The following TNNC2 variants were observed in gnomAD, a reference collection of about 807,000 sequenced individuals.
TNNC2 encodes the protein troponin C2, fast skeletal type.
In TNNC2, 14 loss-of-function variants were observed where a neutral mutation model predicts 20.0. That is an observed-to-expected ratio of 0.70 (90% CI 0.46 to 1.09). TNNC2 has a LOEUF of 1.09. TNNC2 is among the 50% of genes least tolerant of loss of function. The pLI, the probability that TNNC2 is intolerant of heterozygous loss-of-function variation, is 0.00. For synonymous variants in TNNC2, 81 were observed against 77.3 expected (o/e 1.05, Z -0.25); for missense variants, 163 against 223.8 (o/e 0.73, Z 1.73).
chr20:45,831,604 C>CA (rs900484582), upstream of TNNC2, among the ~76,000 whole-genome samples: 11 of 148,592 alleles, frequency 7.4e-5, no homozygotes, highest in African/African-American at 2.5e-4. Flanking sequence ...GACTCTGTCT[C>CA]AAAAAAAATA....
At chr20:45,832,566 A>G (rs1329431871) in intron 2 of TNNC2, among the ~76,000 whole-genome samples, 1 of 152,218 alleles carries the variant, frequency 6.6e-6, no homozygotes, top group African/African-American at 2.4e-5. Context: ...TTCTGCTCAC[A>G]TGGGAGGGCA....
Position 45,824,539 on chromosome 20 carries a change from G to A in TNNC2, c.155C>T (p.Thr52Ile), listed in dbSNP as rs1253674405. Residue 52 changes from threonine (T) to isoleucine (I), a missense_variant, in exon 3 of 6, where the codon ACC (threonine) becomes ATC (isoleucine). Coordinates refer to ENST00000372555, the MANE Select transcript of TNNC2 (RefSeq NM_003279.3). The stretch of plus-strand genomic sequence containing the variant: ...GATGATGGCGTCCAGCTCCTCCTTG[G>A]TGGGTGTCTGGCCCAGCATCCTCAT... The part of the protein sequence containing the change: ...TVMRMLGQTP[T>I]KEELDAIIEE... 1.2e-6 allele frequency: 2 copies of A among 1,613,460 alleles called. No homozygotes were observed. Among genetic ancestry groups the A allele is most frequent in the East Asian group, 2.2e-5 (1 of 44,884 alleles).
chr20:45,827,018 G>C (rs1335298414), intron 1 of TNNC2, among the ~76,000 whole-genome samples: 1 of 152,214 alleles, frequency 6.6e-6, no homozygotes, highest in Non-Finnish European at 1.5e-5. Flanking sequence ...GAAGTTTCCA[G>C]AAGTGAGTAG....
chr20:45,829,135 T>C (rs1006679438), upstream of TNNC2, among the ~76,000 whole-genome samples: 3 of 149,230 alleles, frequency 2.0e-5, no homozygotes, highest in Admixed American at 2.1e-4. Context: ...CACATACCAC[T>C]ACGCCCAGCT....
chr20:45,827,269 C>T lies in TNNC2; in HGVS notation c.-21G>A. On this transcript the variant is annotated 5_prime_UTR_variant, in exon 1 of 6. Coordinates refer to ENST00000372555, the MANE Select transcript of TNNC2 (RefSeq NM_003279.3). ...ACCATGGTTGCTGGTGACCGGGACT[C>T]CTCTGTTGCAGGTCGCCTCCTTTGC... The T allele has an allele frequency of 6.2e-7, 1 of 1,614,136 alleles. No individual in the cohort carries two copies. Among genetic ancestry groups the T allele is most frequent in the Non-Finnish European group, 8.5e-7 (1 of 1,180,002 alleles).
At position 45,823,424 on chromosome 20, in the gene TNNC2, G is replaced by A. The variant is rs1026974587; in HGVS notation, c.452-45C>T. 9 of 1,562,044 alleles carry A rather than the reference G, an allele frequency of 5.8e-6. No homozygotes were observed. Among genetic ancestry groups the A allele is most frequent in the Admixed American group, 5.7e-5 (3 of 52,412 alleles). The stretch of plus-strand genomic sequence containing the variant: ...GAGGGTCAGGGGTCCCACTGGGGAC[G>A]CAGAGGCCAGGCCAGGGCTCCAGCC... On this transcript the variant is annotated intron_variant, in intron 5 of 5. Coordinates refer to ENST00000372555, the MANE Select transcript of TNNC2 (RefSeq NM_003279.3). The surrounding 1 kb of genome is among the most constrained non-coding windows in gnomAD (Gnocchi z 4.6).
intron 4 of TNNC2, 22 bp from the exon 5 acceptor site, chr20:45,824,149 C>T: frequency 1.2e-6 from 2 of 1,610,880 alleles, no homozygotes; most frequent in Non-Finnish European, 1.7e-6. Context: ...AGGGACAGGG[C>T]AGGGCTCAGG....
chr20:45,829,763 G>A (rs1355543126), upstream of TNNC2, among the ~76,000 whole-genome samples: 2 of 149,928 alleles, frequency 1.3e-5, no homozygotes, highest in Non-Finnish European at 3.0e-5. Flanking sequence ...TCCAGCCTGG[G>A]CAACAGAGCA....
At chr20:45,833,188 G>C (rs1212823752) in intron 2 of TNNC2, 1 of 151,920 alleles carries the variant, frequency 6.6e-6, no homozygotes, top group East Asian at 1.9e-4. Context: ...AAGAAAGAAA[G>C]AGAGAGAGAG....
Position 45,824,842 on chromosome 20 carries a change from A to T in TNNC2, c.4-8T>A. On this transcript the variant is annotated splice_region_variant and splice_polypyrimidine_tract_variant and intron_variant, in intron 1 of 5. Transcript: ENST00000372555. ...CTCAGCCTGCTGGTCCGTCTGCAGGAGACACAGAGAAAGTCTGAGCTGAAG... is the reference window on the plus strand; with the variant it reads ...CTCAGCCTGCTGGTCCGTCTGCAGGTGACACAGAGAAAGTCTGAGCTGAAG... The T allele has an allele frequency of 6.2e-7, 1 of 1,614,088 alleles. No homozygotes were observed. Among genetic ancestry groups the T allele is most frequent in the Non-Finnish European group, 8.5e-7 (1 of 1,180,014 alleles).
At chr20:45,827,373 T>C, upstream of TNNC2, 1 of 1,275,912 alleles carries the variant, frequency 7.8e-7, no homozygotes, top group Non-Finnish European at 1.1e-6. Context: ...ACCTCCCTGC[T>C]CCCCAGCACT....
upstream of TNNC2, chr20:45,827,342 G>A: frequency 6.4e-7 from 1 of 1,555,990 alleles, no homozygotes. Context: ...CCCGGGATTT[G>A]TAGGGGCACC....
chr20:45,827,173 C>A, intron 1 of TNNC2, 73 bp downstream of exon 1: 2 of 1,598,548 alleles, frequency 1.3e-6, no homozygotes, highest in Admixed American at 3.4e-5. Flanking sequence ...CCCCACAGAG[C>A]ACCCAGGCCT....
intron 1 of TNNC2, 91 bp from the exon 2 acceptor site, chr20:45,824,925 C>T (rs1390850366): frequency 5.6e-6 from 8 of 1,423,642 alleles, no homozygotes; most frequent in Non-Finnish European, 6.9e-6. Context: ...CCCACTCTGT[C>T]AGCGCCCTTG....
upstream of TNNC2, among the ~76,000 whole-genome samples, chr20:45,827,739 TTTC>T (rs1264123349): frequency 2.6e-5 from 4 of 152,134 alleles, no homozygotes; most frequent in Non-Finnish European, 5.9e-5. Context: ...CTCTGAGCCA[TTTC>T]TTCATCTGTG....
chr20:45,823,770 C>T lies in TNNC2; in HGVS notation c.451+221G>A, dbSNP rs80331691. On this transcript the variant is annotated intron_variant, in intron 5 of 5. Coordinates refer to ENST00000372555, the MANE Select transcript of TNNC2 (RefSeq NM_003279.3). The surrounding 1 kb of genome is among the most constrained non-coding windows in gnomAD (Gnocchi z 4.6). ...ATCCTCCCAAAGTTCTAGGATTTTA[C>T]AGTCCTGAGCCACCACGCCCCCCTG... Among the ~76,000 whole-genome samples, 942 of 152,236 alleles carry T rather than the reference C, an allele frequency of 6.2e-3. 10 individuals are homozygous for T. Among genetic ancestry groups the T allele is most frequent in the African/African-American group, 0.022 (902 of 41,540 alleles).
rs370661840 is a variant in TNNC2 at position 45,824,652 on chromosome 20, C to G, written c.56-14G>C. 1 of 1,607,296 alleles carries G rather than the reference C, an allele frequency of 6.2e-7. No individual in the cohort carries two copies. Among genetic ancestry groups the G allele is most frequent in the Admixed American group, 1.7e-5 (1 of 59,948 alleles). Reference sequence around the variant, plus strand: ...CAGCCTTGAACTCTGCGAGGGAGGGCAGAGGGCAGAGGTGAGGCCTGCTGG... The same window carrying G: ...CAGCCTTGAACTCTGCGAGGGAGGGGAGAGGGCAGAGGTGAGGCCTGCTGG... On this transcript the variant is annotated splice_polypyrimidine_tract_variant and intron_variant, in intron 2 of 5. Transcript: ENST00000372555.
upstream of TNNC2, among the ~76,000 whole-genome samples, chr20:45,830,952 C>T (rs572105698): frequency 1.1e-4 from 17 of 151,594 alleles, no homozygotes; most frequent in African/African-American, 3.9e-4. Flanking sequence ...TCAATACCAG[C>T]CTGGGCAACA....
At chr20:45,832,707 T>G (rs567907255) in intron 2 of TNNC2, among the ~76,000 whole-genome samples, 3 of 152,256 alleles carry the variant, frequency 2.0e-5, no homozygotes, top group Non-Finnish European at 4.4e-5. Context: ...ACTATCAAAA[T>G]CTGCCCTAAC....
Sources: allele counts gnomAD v4.1 joint callset (sites outside exome capture counted in the v4.1 genomes callset), GRCh38; gene constraint gnomAD v4.1.1; non-coding constraint Gnocchi (gnomAD v3.1); transcripts MANE v1.5; gene names NCBI Gene and HGNC (gene_info 2026-07-23, HGNC 2026-07-21).